The following MAPRE1 variants were observed in gnomAD, a reference collection of about 807,000 sequenced individuals.
The protein encoded by MAPRE1 is microtubule-associated protein RP/EB family member 1.
A neutral mutation model predicts 32.1 loss-of-function variants in MAPRE1; 5 were observed. The ratio of observed to expected loss-of-function variants is 0.16; its 90% CI spans 0.08 to 0.33. The LOEUF (loss-of-function observed/expected upper bound fraction) is 0.33. Among genes scored for constraint, MAPRE1 ranks in the 10% least tolerant of loss-of-function variants. The pLI is 1.00. For synonymous variants in MAPRE1, 122 were observed against 118.9 expected, an observed-to-expected ratio of 1.03 and a Z score of -0.17; for missense variants, 209 against 327.2, an observed-to-expected ratio of 0.64 and a Z score of 2.79.
At chr20:32,833,921 G>A (rs898783617) in intron 3 of MAPRE1, 59 bp downstream of exon 3, 2 of 1,417,262 alleles carry the variant, frequency 1.4e-6, no homozygotes, top group East Asian at 2.4e-5. Flanking sequence ...TACTAAGGAG[G>A]TAGATGCTAG....
chr20:32,833,381 T>C (rs1472105205), intron 2 of MAPRE1, among the ~76,000 whole-genome samples: 1 of 152,222 alleles, frequency 6.6e-6, no homozygotes, highest in Non-Finnish European at 1.5e-5. Flanking sequence ...TTTGTTATTT[T>C]CTTTTCTGTA....
intron 3 of MAPRE1, among the ~76,000 whole-genome samples, chr20:32,836,024 C>T (rs1350418051): frequency 2.0e-5 from 3 of 152,162 alleles, no homozygotes; most frequent in Admixed American, 6.5e-5. Context: ...TGCAGTGGCA[C>T]AGTCTCGACT....
At chr20:32,838,216 CT>C (rs1406326998) in intron 4 of MAPRE1, among the ~76,000 whole-genome samples, 10 of 152,202 alleles carry the variant, frequency 6.6e-5, no homozygotes, top group Admixed American at 1.3e-4. Flanking sequence ...CAGTTCTAAA[CT>C]TTTCCTATAC....
intron 4 of MAPRE1, among the ~76,000 whole-genome samples, chr20:32,837,847 G>C (rs1983243789): frequency 6.6e-6 from 1 of 152,204 alleles, no homozygotes; most frequent in South Asian, 2.1e-4. Context: ...GCTTTGGGAG[G>C]CTGAGGCAGG....
intron 2 of MAPRE1, among the ~76,000 whole-genome samples, chr20:32,830,114 T>G (rs1209572956): frequency 3.3e-5 from 5 of 152,152 alleles, no homozygotes; most frequent in African/African-American, 1.2e-4. Flanking sequence ...GGCTCTCCCC[T>G]TCTCCTCCTT....
chr20:32,841,683 G>A (rs402951), intron 5 of MAPRE1, among the ~76,000 whole-genome samples: 8 of 141,724 alleles, frequency 5.6e-5, no homozygotes, highest in African/African-American at 1.9e-4. Context: ...GTTCTCATCC[G>A]CTCAGCTCTT....
chr20:32,820,257 T>G (rs1334592507), intron 1 of MAPRE1, among the ~76,000 whole-genome samples: 1 of 90,958 alleles, frequency 1.1e-5, no homozygotes. Flanking sequence ...GGAAGTGGGC[T>G]GCTGCTACGC....
At chr20:32,843,521 A>G (rs550302968) in intron 5 of MAPRE1, 1 of 152,382 alleles carries the variant, frequency 6.6e-6, no homozygotes, top group East Asian at 1.9e-4. Flanking sequence ...ATTAAAAAGA[A>G]TAAAAAGAAA....
chr20:32,823,527 G>A (rs556826525), intron 1 of MAPRE1, among the ~76,000 whole-genome samples: 2 of 152,198 alleles, frequency 1.3e-5, no homozygotes, highest in African/African-American at 4.8e-5. Flanking sequence ...CCTTTATCTT[G>A]AGTCTTCCCT....
intron 2 of MAPRE1, among the ~76,000 whole-genome samples, chr20:32,833,243 T>G (rs558962709): frequency 1.0e-3 from 153 of 152,170 alleles, no homozygotes; most frequent in Admixed American, 1.8e-3. Flanking sequence ...TATTTAGAGA[T>G]GTAAAAAGCC....
chr20:32,831,754 C>G (rs1312446699), intron 2 of MAPRE1, among the ~76,000 whole-genome samples: 3 of 151,888 alleles, frequency 2.0e-5, no homozygotes, highest in Non-Finnish European at 4.4e-5. Context: ...AGGCTGGTCT[C>G]GATCTCCTGA....
At chr20:32,847,702 C>T (rs894295915) in intron 6 of MAPRE1, among the ~76,000 whole-genome samples, 3 of 152,120 alleles carry the variant, frequency 2.0e-5, no homozygotes, top group Non-Finnish European at 4.4e-5. Context: ...TAAGTAAGTT[C>T]AGCTATAGAG....
At chr20:32,830,528 C>T (rs902027702) in intron 2 of MAPRE1, among the ~76,000 whole-genome samples, 1 of 152,094 alleles carries the variant, frequency 6.6e-6, no homozygotes, top group Non-Finnish European at 1.5e-5. Context: ...GAGGCTAATT[C>T]ACAGTTTTAT....
At chr20:32,843,704 C>T (rs896987193) in intron 5 of MAPRE1, among the ~76,000 whole-genome samples, 8 of 152,122 alleles carry the variant, frequency 5.3e-5, no homozygotes, top group South Asian at 2.1e-4. Flanking sequence ...GCACTGGCCA[C>T]GTTTAAGTGT....
At chr20:32,821,237 G>A (rs575250875) in intron 1 of MAPRE1, among the ~76,000 whole-genome samples, 1 of 152,268 alleles carries the variant, frequency 6.6e-6, no homozygotes, top group South Asian at 2.1e-4. Flanking sequence ...GGCTGTTGTC[G>A]AACTCCTGAC....
intron 2 of MAPRE1, among the ~76,000 whole-genome samples, chr20:32,828,657 G>A (rs2146124623): frequency 6.6e-6 from 1 of 152,300 alleles, no homozygotes; most frequent in East Asian, 1.9e-4. Context: ...ATAACTGACT[G>A]TGTGCCAGAC....
rs140892371 is a variant in MAPRE1 at position 32,848,124 on chromosome 20, G to T, written c.751-548G>T. Among the ~76,000 whole-genome samples, 9 of 151,648 alleles carry T rather than the reference G, an allele frequency of 5.9e-5. No individual in the cohort carries two copies. In the Middle Eastern group the frequency reaches 0.014, roughly 229 times the overall value. On this transcript the variant is annotated intron_variant, in intron 6 of 6. Transcript: ENST00000375571. ...CCTGGTGGTGCGATCATGGCTCACT[G>T]CAGCTTTGACCTCCTGGGTCAAGCA...
intron 3 of MAPRE1, among the ~76,000 whole-genome samples, chr20:32,834,758 A>G (rs1000717954): frequency 6.6e-6 from 1 of 152,146 alleles, no homozygotes; most frequent in African/African-American, 2.4e-5. Context: ...TTATTATGGA[A>G]TTTTATTTTT....
chr20:32,834,437 T>C (rs774765490), intron 3 of MAPRE1, among the ~76,000 whole-genome samples: 1 of 152,232 alleles, frequency 6.6e-6, no homozygotes, highest in South Asian at 2.1e-4. Flanking sequence ...AAACATTTAA[T>C]GTTTAGCACA....
Sources: allele counts gnomAD v4.1 joint callset (sites outside exome capture counted in the v4.1 genomes callset), GRCh38; gene constraint gnomAD v4.1.1; transcripts MANE v1.5; gene names NCBI Gene and HGNC (gene_info 2026-07-23, HGNC 2026-07-21).